The following TMEM191C variants were observed in gnomAD, a reference collection of about 807,000 sequenced individuals.
TMEM191C encodes transmembrane protein 191C.
Under a neutral mutation model 37.1 loss-of-function variants are expected in TMEM191C, and 26 were observed. The observed-to-expected ratio is 0.70, with a 90% CI of 0.51 to 0.97. TMEM191C has a LOEUF of 0.97. TMEM191C is among the 50% of genes least tolerant of loss of function. The pLI is 0.00. For missense variants in TMEM191C, 240 were observed against 294.7 expected, an observed-to-expected ratio of 0.81 and a Z score of 1.36; for synonymous variants, 115 against 143.7, an observed-to-expected ratio of 0.80 and a Z score of 1.43.
In TMEM191C at chr22:21,469,701, G is replaced by T. The variant is rs932752033; in HGVS notation, c.789G>T (p.Leu263Phe). Residue 263 changes from leucine to phenylalanine, a missense_variant, in exon 10 of 10, where the codon TTG becomes TTT. By Grantham distance (22) the Leu-to-Phe change is conservative (BLOSUM62 0). Coordinates refer to ENST00000536718, the MANE Select transcript of TMEM191C (RefSeq NM_001388354.1). Reference protein sequence around the residue: ...LGLSLLWTVLLDPGAVSAWLW... With the variant: ...LGLSLLWTVLFDPGAVSAWLW... ...TGTCGCTGCTCTGGACGGTGCTGTT[G>T]GACCCCGGCGCCGTCTCCGCGTGGC... is the stretch of plus-strand genomic sequence containing the variant. 8 of 1,526,974 alleles carry T rather than the reference G, an allele frequency of 5.2e-6. No individual in the cohort carries two copies. The South Asian group carries it at 9.6e-5, about 18-fold the overall frequency. The allele number at this position is 1,526,974 out of a possible 1,614,324, so 94.6% of individuals were successfully genotyped here.
In TMEM191C at chr22:21,467,452, C is replaced by T. The variant is rs1924561721; in HGVS notation, c.-8C>T. 3 of 455,324 alleles carry T rather than the reference C, an allele frequency of 6.6e-6. No homozygotes were observed. The East Asian group carries it at 9.6e-5, about 15-fold the overall frequency. 28.2% of individuals were successfully genotyped at this position (455,324 alleles called of 1,614,324 possible). A position where few individuals can be genotyped will look rare whatever the true frequency, so the allele number is the denominator to read the frequency against. On this transcript the variant is annotated 5_prime_UTR_variant, in exon 1 of 10. Transcript: ENST00000536718. ...GGCGGGCGGCATTTAGGCTCGGTCT[C>T]CACAGCCATGGCCGCGACGCAGGAG...
chr22:21,467,664 G>T, intron 1 of TMEM191C, 50 bp downstream of exon 1: 1 of 1,419,570 alleles, frequency 7.0e-7, no homozygotes, highest in Non-Finnish European at 9.3e-7. Flanking sequence ...GGTCGGTCCC[G>T]CAGGCAGCGC....
chr22:21,468,279 C>T, intron 3 of TMEM191C, 75 bp from the exon 4 acceptor site: 2 of 1,534,684 alleles, frequency 1.3e-6, no homozygotes, highest in Non-Finnish European at 1.7e-6. Context: ...CTTGTTGCCT[C>T]CCCGTCCCTG....
At chr22:21,469,455 G>A (rs1373499190) in intron 8 of TMEM191C, 39 bp from the exon 9 acceptor site, 100 of 1,341,404 alleles carry the variant, frequency 7.5e-5, no homozygotes, top group Non-Finnish European at 9.3e-5. Flanking sequence ...CGGCGCCGCG[G>A]GCGCGGAGGT....
chr22:21,468,377 G>A lies in TMEM191C; in HGVS notation c.354G>A (p.Leu118=), dbSNP rs550079204. The change falls in exon 4 of 10, where the codon CTG becomes CTA. Residue 118 remains leucine, a synonymous_variant. Coordinates refer to ENST00000536718, the MANE Select transcript of TMEM191C (RefSeq NM_001388354.1). ...AGCTCTTCTACTACGGAGGGGAACT[G>A]CAGAGCCAGAAGAGCACGGAGCAGC... The part of the protein sequence containing the change: ...SSQLFYYGGE[L]QSQKSTEQQL... 1 of 1,534,870 alleles carries A rather than the reference G, an allele frequency of 6.5e-7. No individual in the cohort carries two copies. Among genetic ancestry groups the A allele is most frequent in the African/African-American group, 1.4e-5 (1 of 72,918 alleles).
In TMEM191C at chr22:21,467,678, G is replaced by A. The variant is rs2148356209; in HGVS notation, c.155+64G>A. 1.6e-5 allele frequency: 17 copies of A among 1,037,482 alleles called. 1 individual carries two copies. In the South Asian group the frequency reaches 2.1e-4, roughly 13 times the overall value. 64.3% of individuals were successfully genotyped at this position (1,037,482 alleles called of 1,614,324 possible). A position where few individuals can be genotyped will look rare whatever the true frequency, so the allele number is the denominator to read the frequency against. On this transcript the variant is annotated intron_variant, in intron 1 of 9. Coordinates refer to ENST00000536718, the MANE Select transcript of TMEM191C (RefSeq NM_001388354.1). ...GGGTCGGTCCCGCAGGCAGCGCCGCGAGGTGCTTCGCAGAGTACCAGGCTG... is the reference window on the plus strand; with the variant it reads ...GGGTCGGTCCCGCAGGCAGCGCCGCAAGGTGCTTCGCAGAGTACCAGGCTG...
rs1364546859 is a variant in TMEM191C at position 21,468,334 on chromosome 22, C to T, written c.331-20C>T. 3.3e-6 allele frequency: 5 copies of T among 1,535,524 alleles called. No homozygotes were observed. The African/African-American group carries it at 4.1e-5, about 13-fold the overall frequency. ...CTCCAGAAGCCCGGTAAACCCCGCCCTTACAAGCCCCGCCCCTAGCTCTTC... is the reference window on the plus strand; with the variant it reads ...CTCCAGAAGCCCGGTAAACCCCGCCTTTACAAGCCCCGCCCCTAGCTCTTC... On this transcript the variant is annotated intron_variant, in intron 3 of 9. Coordinates refer to ENST00000536718, the MANE Select transcript of TMEM191C (RefSeq NM_001388354.1).
Position 21,469,476 on chromosome 22 carries a change from G to A in TMEM191C, c.664-18G>A. 1 of 1,348,292 alleles carries A rather than the reference G, an allele frequency of 7.4e-7. No homozygotes were observed. Among genetic ancestry groups the A allele is most frequent in the African/African-American group, 1.6e-5 (1 of 64,330 alleles). The allele number at this position is 1,348,292 out of a possible 1,614,324, so 83.5% of individuals were successfully genotyped here. On this transcript the variant is annotated intron_variant, in intron 8 of 9. Transcript: ENST00000536718. ...CGCGGGCGCGGAGGTAGCTGGATGC[G>A]GCCCTCTCTCCCCGCAGGAGACGCG...
At position 21,467,938 on chromosome 22, in the gene TMEM191C, A is replaced by T. The variant is rs1217633480; in HGVS notation, c.200A>T (p.Glu67Val). Residue 67 changes from glutamate to valine, a missense_variant, in exon 2 of 10, where the codon GAG (glutamate) becomes GTG (valine). This residue lies in a region of TMEM191C where 130 missense variants were observed against 105.7 expected (regional missense o/e 1.23). Transcript: ENST00000536718. Reference protein sequence around the residue: ...RSQAAQPLQGEAREAARERAE... With the variant: ...RSQAAQPLQGVAREAARERAE... ...CAGGCAGCGCAGCCTCTGCAAGGGG[A>T]GGCGCGCGAGGCGGCGCGGGAGCGC... The T allele has an allele frequency of 2.9e-5, 17 of 587,752 alleles. No homozygotes were observed. In the East Asian group the frequency reaches 4.6e-4, roughly 16 times the overall value. 36.4% of individuals were successfully genotyped at this position (587,752 alleles called of 1,614,324 possible). A position where few individuals can be genotyped will look rare whatever the true frequency, so the allele number is the denominator to read the frequency against.
intron 9 of TMEM191C, 22 bp from the exon 10 acceptor site, chr22:21,469,595 C>T (rs1924667351): frequency 6.8e-7 from 1 of 1,477,008 alleles, no homozygotes; most frequent in Non-Finnish European, 8.9e-7. Flanking sequence ...TGCCGCCCAC[C>T]TGCCCGCCTT....
Position 21,468,502 on chromosome 22 carries a change from G to A in TMEM191C, c.408+71G>A, listed in dbSNP as rs1190213053. 22 of 985,650 alleles carry A rather than the reference G, an allele frequency of 2.2e-5. No individual in the cohort carries two copies. In the African/African-American group the frequency reaches 3.6e-4, roughly 16 times the overall value. The allele number at this position is 985,650 out of a possible 1,614,324, so 61.1% of individuals were successfully genotyped here. The stretch of plus-strand genomic sequence containing the variant: ...GCATGAGCTGGGCCGTGACCACCTG[G>A]GGGTGTGGCTTAAGGCAGGCCCTGA... On this transcript the variant is annotated intron_variant, in intron 4 of 9. Transcript: ENST00000536718.
At chr22:21,467,651 G>A (rs1601352023) in intron 1 of TMEM191C, 37 bp downstream of exon 1, 2 of 1,495,988 alleles carry the variant, frequency 1.3e-6, no homozygotes, top group East Asian at 4.9e-5. Context: ...GCGGGCGCGC[G>A]AGGGTCGGTC....
In TMEM191C at chr22:21,468,334, C is replaced by G; in HGVS notation, c.331-20C>G. ...CTCCAGAAGCCCGGTAAACCCCGCCCTTACAAGCCCCGCCCCTAGCTCTTC... is the reference window on the plus strand; with the variant it reads ...CTCCAGAAGCCCGGTAAACCCCGCCGTTACAAGCCCCGCCCCTAGCTCTTC... On this transcript the variant is annotated intron_variant, in intron 3 of 9. Coordinates refer to ENST00000536718, the MANE Select transcript of TMEM191C (RefSeq NM_001388354.1). 6.5e-7 allele frequency: 1 copy of G among 1,535,524 alleles called. No individual in the cohort carries two copies. The highest frequency in any genetic ancestry group is 1.2e-5 in the South Asian group (1 of 84,038).
Position 21,468,211 on chromosome 22 carries a change from A to G in TMEM191C, c.330+9A>G, listed in dbSNP as rs751082609. On this transcript the variant is annotated intron_variant, in intron 3 of 9. Transcript: ENST00000536718. ...AGGAGCTGTCGAGTCAGGTACGTGCAGGAGATGGGAGGGCCTGTCTCTTGG... is the reference window on the plus strand; with the variant it reads ...AGGAGCTGTCGAGTCAGGTACGTGCGGGAGATGGGAGGGCCTGTCTCTTGG... 2 of 1,528,042 alleles carry G rather than the reference A, an allele frequency of 1.3e-6. No individual in the cohort carries two copies. Among genetic ancestry groups the G allele is most frequent in the South Asian group, 2.4e-5 (2 of 83,706 alleles). The allele number at this position is 1,528,042 out of a possible 1,614,324, so 94.7% of individuals were successfully genotyped here.
chr22:21,467,508 G>A lies in TMEM191C; in HGVS notation c.49G>A (p.Asp17Asn), dbSNP rs2148356069. 1 of 623,104 alleles carries A rather than the reference G, an allele frequency of 1.6e-6. No homozygotes were observed. The highest frequency in any genetic ancestry group is 2.7e-6 in the Non-Finnish European group (1 of 377,148). The allele number at this position is 623,104 out of a possible 1,614,324, so 38.6% of individuals were successfully genotyped here. A position where few individuals can be genotyped will look rare whatever the true frequency, so the allele number is the denominator to read the frequency against. Residue 17 changes from aspartate (D) to asparagine (N), a missense_variant, in exon 1 of 10, where the codon GAT becomes AAT. Physicochemically the swap from Asp to Asn is conservative, Grantham distance 23. This residue lies in a region of TMEM191C where 130 missense variants were observed against 105.7 expected (regional missense o/e 1.23). Transcript: ENST00000536718. ...LLLQLQKDNR[D>N]GRQRKQELEK... is the part of the protein sequence containing the mutation. ...GCTGCAGTTGCAGAAGGATAACCGA[G>A]ATGGTCGCCAGCGGAAGCAGGAGCT...
Position 21,467,634 on chromosome 22 carries a change from C to T in TMEM191C, c.155+20C>T. The stretch of plus-strand genomic sequence containing the variant: ...GCGGAGGTGCGCGGGGAACGCCCCT[C>T]TACCTGGCGGGCGCGCGAGGGTCGG... On this transcript the variant is annotated intron_variant, in intron 1 of 9. Transcript: ENST00000536718. 1 of 1,515,318 alleles carries T rather than the reference C, an allele frequency of 6.6e-7. No individual in the cohort carries two copies. Among genetic ancestry groups the T allele is most frequent in the Non-Finnish European group, 8.8e-7 (1 of 1,139,888 alleles). 93.9% of individuals were successfully genotyped at this position (1,515,318 alleles called of 1,614,324 possible).
chr22:21,469,127 CAGG>C lies in TMEM191C; in HGVS notation c.527_529del (p.Glu176del). 1 of 538,840 alleles carries C rather than the reference CAGG, an allele frequency of 1.9e-6. No individual in the cohort carries two copies. The highest frequency in any genetic ancestry group is 3.2e-6 in the Non-Finnish European group (1 of 312,620). 33.4% of individuals were successfully genotyped at this position (538,840 alleles called of 1,614,324 possible). On this transcript the variant is annotated splice_acceptor_variant and coding_sequence_variant, in exon 7 of 10. Transcript: ENST00000536718. LOFTEE classifies it high-confidence loss of function. Reference sequence around the variant, plus strand: ...CCTCAGTCCGCACTCTCACCCGCTCCAGGAGGTGCAGGTGAAGGTGATGGAGGC... The same window carrying C: ...CCTCAGTCCGCACTCTCACCCGCTCCAGGTGCAGGTGAAGGTGATGGAGGC...
intron 4 of TMEM191C, 56 bp downstream of exon 4, chr22:21,468,487 G>A (rs1476823110): frequency 9.4e-7 from 1 of 1,066,572 alleles, no homozygotes; most frequent in East Asian, 2.7e-5. Context: ...GCATGAGCTG[G>A]GCCGTGACCA....
Sources: gnomAD v4.1 joint callset for allele counts on GRCh38, gnomAD v4.1.1 for gene constraint, gnomAD v4.1.1 regional missense constraint, MANE v1.5 for transcripts, NCBI Gene and HGNC (gene_info 2026-07-23, HGNC 2026-07-21) for gene names.